The following SLC35F4 variants were observed in gnomAD, a reference collection of about 807,000 sequenced individuals.
The protein encoded by SLC35F4 is chromosome 14 open reading frame 36.
SLC35F4 carries 24 observed loss-of-function variants against 44.2 expected under a neutral mutation model. That is an observed-to-expected ratio of 0.54 (90% CI 0.39 to 0.76). The LOEUF (loss-of-function observed/expected upper bound fraction) is 0.76. Among genes scored for constraint, SLC35F4 ranks in the 30% least tolerant of loss-of-function variants. The pLI is 0.00. For missense variants in SLC35F4, 562 were observed against 586.1 expected (o/e 0.96, Z 0.42); for synonymous variants, 238 against 223.6 (o/e 1.06, Z -0.57).
intron 1 of SLC35F4, among the ~76,000 whole-genome samples, chr14:57,957,466 T>A (rs1466145283): frequency 6.6e-6 from 1 of 152,058 alleles, no homozygotes; most frequent in Non-Finnish European, 1.5e-5. Flanking sequence ...GGATTCCATA[T>A]ATACAAATTT....
At chr14:57,861,275 C>T (rs952160432) in intron 1 of SLC35F4, among the ~76,000 whole-genome samples, 1 of 152,116 alleles carries the variant, frequency 6.6e-6, no homozygotes, top group Non-Finnish European at 1.5e-5. Flanking sequence ...AGACTCCCAC[C>T]ATCTCAGTTA....
intron 1 of SLC35F4, among the ~76,000 whole-genome samples, chr14:57,668,477 G>A (rs2074397323): frequency 1.3e-5 from 2 of 152,070 alleles, no homozygotes; most frequent in African/African-American, 2.4e-5. Context: ...TAACATTTAA[G>A]TCTTTAATCC....
chr14:57,654,774 C>T (rs1277324409), intron 1 of SLC35F4, among the ~76,000 whole-genome samples: 2 of 152,150 alleles, frequency 1.3e-5, no homozygotes, highest in Non-Finnish European at 1.5e-5. Context: ...ATTACACTTG[C>T]AACAACCTAG....
intron 1 of SLC35F4, among the ~76,000 whole-genome samples, chr14:57,702,940 G>T (rs1252306161): frequency 6.6e-6 from 1 of 152,186 alleles, no homozygotes; most frequent in Non-Finnish European, 1.5e-5. Context: ...TCTGTGGGTT[G>T]TTGGGATACA....
intron 1 of SLC35F4, among the ~76,000 whole-genome samples, chr14:57,649,806 TTTA>T (rs1181870713): frequency 1.4e-3 from 5 of 3,524 alleles, no homozygotes; most frequent in Non-Finnish European, 8.4e-3. Flanking sequence ...TCCCCCAAAA[TTTA>T]CCAAAGAGAA....
intron 1 of SLC35F4, among the ~76,000 whole-genome samples, chr14:57,749,029 A>G (rs370132990): frequency 1.8e-4 from 27 of 152,280 alleles, no homozygotes; most frequent in East Asian, 7.7e-4. Context: ...GCCCAGAGAA[A>G]AACTTATCCA....
chr14:57,680,091 T>C (rs1183361018), intron 1 of SLC35F4, among the ~76,000 whole-genome samples: 1 of 152,062 alleles, frequency 6.6e-6, no homozygotes, highest in Non-Finnish European at 1.5e-5. Flanking sequence ...TTCAGGCCAA[T>C]ATACCTGATG....
intron 1 of SLC35F4, among the ~76,000 whole-genome samples, chr14:57,827,663 C>T (rs546104406): frequency 6.6e-6 from 1 of 152,058 alleles, no homozygotes; most frequent in Admixed American, 6.5e-5. Flanking sequence ...CCACTGACAA[C>T]CACTGAGAGA....
intron 1 of SLC35F4, among the ~76,000 whole-genome samples, chr14:57,809,969 G>A (rs1051434630): frequency 3.3e-5 from 5 of 152,102 alleles, no homozygotes; most frequent in African/African-American, 9.7e-5. Context: ...CTTTAAACCT[G>A]GTCAGGTCCT....
chr14:57,581,281 C>T lies in SLC35F4; in HGVS notation c.740G>A (p.Cys247Tyr). The T allele has an allele frequency of 6.2e-7, 1 of 1,612,648 alleles. No homozygotes were observed. The highest frequency in any genetic ancestry group is 8.5e-7 in the Non-Finnish European group (1 of 1,179,422). ...CAAGAAGACAAAGGCTTTGTTACAACAGAACAGAGCGGAGACATCCGTGGC... is the reference window on the plus strand; with the variant it reads ...CAAGAAGACAAAGGCTTTGTTACAATAGAACAGAGCGGAGACATCCGTGGC... ...LTATDVSALF[C>Y]CNKAFVFLLS... Residue 247 changes from cysteine (C) to tyrosine (Y), a missense_variant, in exon 4 of 8, where the codon TGT becomes TAT. Physicochemically the swap from Cys to Tyr is radical, Grantham distance 194. Coordinates refer to ENST00000556826, the MANE Select transcript of SLC35F4 (RefSeq NM_001306087.2).
At chr14:57,633,949 C>T (rs568252920) in intron 1 of SLC35F4, among the ~76,000 whole-genome samples, 3 of 152,114 alleles carry the variant, frequency 2.0e-5, no homozygotes, top group South Asian at 4.2e-4. Flanking sequence ...AAGGAGCCCA[C>T]ATATGAGAAT....
At chr14:57,860,273 A>G (rs776280462) in intron 1 of SLC35F4, among the ~76,000 whole-genome samples, 2 of 152,222 alleles carry the variant, frequency 1.3e-5, no homozygotes, top group East Asian at 3.8e-4. Flanking sequence ...GACAACCATC[A>G]TAGAACCTGA....
At chr14:57,871,697 C>T (rs963196884) in intron 1 of SLC35F4, among the ~76,000 whole-genome samples, 1 of 152,140 alleles carries the variant, frequency 6.6e-6, no homozygotes. Context: ...CTTCCTGCCC[C>T]CTTGTGGTTG....
intron 1 of SLC35F4, among the ~76,000 whole-genome samples, chr14:57,598,897 G>A (rs1288165801): frequency 6.7e-6 from 1 of 150,094 alleles, no homozygotes; most frequent in African/African-American, 2.5e-5. Context: ...GTGTATGTGT[G>A]TGTGTGTGTG....
chr14:57,673,861 C>T (rs2074600431), intron 1 of SLC35F4, among the ~76,000 whole-genome samples: 1 of 151,968 alleles, frequency 6.6e-6, no homozygotes, highest in Admixed American at 6.6e-5. Flanking sequence ...TTGTACACCA[C>T]TAGCAAAATT....
At chr14:57,760,058 C>T (rs367668199) in intron 1 of SLC35F4, among the ~76,000 whole-genome samples, 1 of 151,280 alleles carries the variant, frequency 6.6e-6, no homozygotes, top group Admixed American at 6.6e-5. Flanking sequence ...CTTATTTTTG[C>T]TTTTGTAGCC....
intron 1 of SLC35F4, among the ~76,000 whole-genome samples, chr14:57,719,974 G>A (rs545766745): frequency 6.6e-6 from 1 of 152,040 alleles, no homozygotes; most frequent in Non-Finnish European, 1.5e-5. Flanking sequence ...TTATGTTGTG[G>A]TATGTTCCTT....
Position 57,796,554 on chromosome 14 carries a change from T to C in SLC35F4, c.103+69169A>G, listed in dbSNP as rs185594055. Among the ~76,000 whole-genome samples the C allele has an allele frequency of 2.7e-3, 411 of 152,270 alleles. 3 individuals are homozygous for C. Among genetic ancestry groups the C allele is most frequent in the African/African-American group, 9.4e-3 (392 of 41,556 alleles). ...TTCAAATACACATAAATTAAAAATA[T>C]TAAAAGTCATAAATAAAAGCATTAA... On this transcript the variant is annotated intron_variant, in intron 1 of 7. Coordinates refer to ENST00000556826, the MANE Select transcript of SLC35F4 (RefSeq NM_001306087.2).
At chr14:57,910,355 T>C (rs1181907306) in intron 1 of SLC35F4, among the ~76,000 whole-genome samples, 1 of 152,096 alleles carries the variant, frequency 6.6e-6, no homozygotes, top group Non-Finnish European at 1.5e-5. Flanking sequence ...TATGGTGTTG[T>C]ACCTAAAATA....
Sources: allele counts gnomAD v4.1 joint callset (sites outside exome capture counted in the v4.1 genomes callset), GRCh38; gene constraint gnomAD v4.1.1; transcripts MANE v1.5; gene names NCBI Gene and HGNC (gene_info 2026-07-23, HGNC 2026-07-21).